Variants in DLG2 observed in about 807,000 individuals in gnomAD.
The protein encoded by DLG2 is disks large homolog 2.
In DLG2, 45 loss-of-function variants were observed where a neutral mutation model predicts 132.5. The ratio of observed to expected loss-of-function variants is 0.34; its 90% confidence interval spans 0.27 to 0.44. The LOEUF is 0.44. DLG2 is among the 20% of genes least tolerant of loss of function. The pLI, the probability that DLG2 is intolerant of heterozygous loss-of-function variation, is 1.00. For synonymous variants in DLG2, 424 were observed against 419.6 expected (o/e 1.01, Z -0.13); for missense variants, 1,045 against 1,196.9 (o/e 0.87, Z 1.87).
At chr11:84,696,611 A>G (rs1042330265) in intron 6 of DLG2, among the ~76,000 whole-genome samples, 1 of 151,544 alleles carries the variant, frequency 6.6e-6, no homozygotes, top group African/African-American at 2.4e-5. Context: ...AACAGTGAAC[A>G]CAAAGTCAAG....
At chr11:84,773,198 T>C (rs1404556151) in intron 6 of DLG2, among the ~76,000 whole-genome samples, 1 of 152,176 alleles carries the variant, frequency 6.6e-6, no homozygotes, top group African/African-American at 2.4e-5. Context: ...GATAAATTCT[T>C]GGAAACATAC....
chr11:85,279,074 T>G (rs2078073471), intron 4 of DLG2, among the ~76,000 whole-genome samples: 1 of 152,176 alleles, frequency 6.6e-6, no homozygotes, highest in African/African-American at 2.4e-5. Flanking sequence ...TCTTTATAAC[T>G]GATATCCAAA....
At chr11:84,334,139 T>C (rs1373775299) in intron 7 of DLG2, among the ~76,000 whole-genome samples, 1 of 152,198 alleles carries the variant, frequency 6.6e-6, no homozygotes, top group African/African-American at 2.4e-5. Flanking sequence ...ATGAGAATTA[T>C]TCTCAAAAAC....
intron 18 of DLG2, among the ~76,000 whole-genome samples, chr11:83,704,493 T>G (rs527972314): frequency 6.6e-6 from 1 of 151,854 alleles, no homozygotes; most frequent in East Asian, 1.9e-4. Flanking sequence ...AATTGAAAAA[T>G]AGTTTCTGGT....
At chr11:84,963,305 G>T (rs1011325694) in intron 6 of DLG2, among the ~76,000 whole-genome samples, 1 of 152,108 alleles carries the variant, frequency 6.6e-6, no homozygotes, top group Admixed American at 6.5e-5. Context: ...AATCAAATCG[G>T]AGGGAAAAAT....
intron 3 of DLG2, among the ~76,000 whole-genome samples, chr11:85,324,730 G>C (rs1433878759): frequency 6.7e-6 from 1 of 149,596 alleles, no homozygotes; most frequent in East Asian, 2.0e-4. Context: ...CTGAAAAACG[G>C]TGTGCTTAAA....
chr11:85,184,890 T>TA lies in DLG2; in HGVS notation c.187-30240dup, dbSNP rs1376856822. ...CCAATTTAAAAAAAAACTGATATGA[T>TA]AAAAAATGACACAAGAGAACAAATG... is the stretch of plus-strand genomic sequence containing the variant. On this transcript the variant is annotated intron_variant, in intron 4 of 27. Transcript: ENST00000376104. Among the ~76,000 whole-genome samples the TA allele has an allele frequency of 2.6e-5, 4 of 151,960 alleles. No homozygotes were observed. In the East Asian group the frequency reaches 7.7e-4, roughly 29 times the overall value.
chr11:84,652,534 T>C (rs1021020884), intron 6 of DLG2, among the ~76,000 whole-genome samples: 1 of 152,140 alleles, frequency 6.6e-6, no homozygotes, highest in Admixed American at 6.5e-5. Context: ...AAACTGTTTA[T>C]GGAATGTGTA....
chr11:84,170,898 C>G (rs1320837592), intron 8 of DLG2, among the ~76,000 whole-genome samples: 2 of 152,144 alleles, frequency 1.3e-5, no homozygotes, highest in Non-Finnish European at 1.5e-5. Flanking sequence ...TTCTATTACT[C>G]TTTATTCTAA....
chr11:85,438,071 T>C (rs916541964), intron 3 of DLG2, among the ~76,000 whole-genome samples: 4 of 152,166 alleles, frequency 2.6e-5, no homozygotes, highest in African/African-American at 9.7e-5. Flanking sequence ...CTACTCATGG[T>C]GGAAGGCCAA....
intron 14 of DLG2, among the ~76,000 whole-genome samples, chr11:83,939,364 G>A (rs917471074): frequency 1.3e-5 from 2 of 152,070 alleles, no homozygotes; most frequent in African/African-American, 2.4e-5. Flanking sequence ...GGTTTGTTCT[G>A]TTGAGTATAC....
intron 21 of DLG2, among the ~76,000 whole-genome samples, chr11:83,512,353 G>T (rs1159911961): frequency 6.6e-6 from 1 of 152,080 alleles, no homozygotes; most frequent in Non-Finnish European, 1.5e-5. Flanking sequence ...GGATTGTGAG[G>T]AACACCTTAG....
At chr11:84,756,008 G>C (rs578262451) in intron 6 of DLG2, among the ~76,000 whole-genome samples, 1 of 152,068 alleles carries the variant, frequency 6.6e-6, no homozygotes, top group African/African-American at 2.4e-5. Flanking sequence ...TTGCAAAAAG[G>C]TTATAAAATT....
chr11:85,013,544 A>G (rs1292485149), intron 6 of DLG2, among the ~76,000 whole-genome samples: 1 of 152,222 alleles, frequency 6.6e-6, no homozygotes, highest in East Asian at 1.9e-4. Flanking sequence ...AAAACAGGAG[A>G]AAACAAATTA....
At chr11:83,790,362 A>G in intron 17 of DLG2, 1 of 880,432 alleles carries the variant, frequency 1.1e-6, no homozygotes, top group Non-Finnish European at 1.9e-6. Flanking sequence ...CAATCAAGGA[A>G]AGAACCATCT....
intron 14 of DLG2, among the ~76,000 whole-genome samples, chr11:83,958,968 G>C (rs1289595479): frequency 6.6e-6 from 1 of 151,988 alleles, no homozygotes; most frequent in African/African-American, 2.4e-5. Flanking sequence ...ATTTACTTAT[G>C]GCCCTTTCTA....
chr11:85,097,704 G>A (rs180954), intron 6 of DLG2, among the ~76,000 whole-genome samples: 22,132 of 152,074 alleles, frequency 0.15, 1,800 homozygotes, highest in South Asian at 0.3. Flanking sequence ...CTGTTGCCAA[G>A]GGCTCTCCTC....
intron 5 of DLG2, among the ~76,000 whole-genome samples, chr11:85,123,216 A>G (rs1156459544): frequency 6.6e-6 from 1 of 151,608 alleles, no homozygotes; most frequent in Non-Finnish European, 1.5e-5. Context: ...TGACCTCGTG[A>G]TCCGCCCGCC....
At chr11:85,623,295 G>A (rs181031891) in intron 2 of DLG2, among the ~76,000 whole-genome samples, 9 of 151,642 alleles carry the variant, frequency 5.9e-5, no homozygotes, top group Middle Eastern at 3.4e-3. Context: ...AAGAAGCTCC[G>A]AAGACAATAG....
Sources: gnomAD v4.1 joint callset for allele counts (sites outside exome capture counted in the v4.1 genomes callset) on GRCh38, gnomAD v4.1.1 for gene constraint, MANE v1.5 for transcripts, NCBI Gene and HGNC (gene_info 2026-07-23, HGNC 2026-07-21) for gene names.